MTCH2: variants seen among roughly 807,000 people sequenced by gnomAD.
The protein encoded by MTCH2 is mitochondrial carrier 2.
MTCH2 carries 25 observed loss-of-function variants against 50.6 expected under a neutral mutation model. The ratio of observed to expected loss-of-function variants is 0.49; its 90% CI spans 0.36 to 0.69. MTCH2 has a LOEUF of 0.69. Among genes scored for constraint, MTCH2 ranks in the 30% least tolerant of loss-of-function variants. MTCH2 has a pLI of 0.00. For missense variants in MTCH2, 273 were observed against 384.4 expected (o/e 0.71, Z 2.42); for synonymous variants, 106 against 132.0 (o/e 0.80, Z 1.35).
At chr11:47,613,828 C>T (rs1598825944), downstream of MTCH2, among the ~76,000 whole-genome samples, 2 of 152,236 alleles carry the variant, frequency 1.3e-5, no homozygotes, top group Middle Eastern at 3.4e-3. Context: ...TGGCTCATGC[C>T]TGTAATCACA....
intron 10 of MTCH2, among the ~76,000 whole-genome samples, chr11:47,626,018 T>G (rs528804343): frequency 1.3e-5 from 2 of 152,264 alleles, no homozygotes; most frequent in East Asian, 3.9e-4. Context: ...CAACTACTTT[T>G]TTTTTTTTTG....
At chr11:47,627,022 G>A in intron 10 of MTCH2, 58 bp downstream of exon 10, 1 of 1,356,384 alleles carries the variant, frequency 7.4e-7, no homozygotes, top group South Asian at 1.3e-5. Context: ...GATTTAAAAG[G>A]AAAACAAAAC....
rs2097304684 is a variant in MTCH2 at position 47,633,056 on chromosome 11, G to A, written c.370-1345C>T. 2.0e-5 allele frequency among the ~76,000 whole-genome samples: 3 copies of A among 151,582 alleles called. No individual in the cohort carries two copies. In the South Asian group the frequency reaches 6.2e-4, roughly 31 times the overall value. On this transcript the variant is annotated intron_variant, in intron 5 of 12. Coordinates refer to ENST00000302503, the MANE Select transcript of MTCH2 (RefSeq NM_014342.4). ...CTTCTCCAAGGGCATAAGATCCTAT[G>A]GGACTGGATGGGCAAACTAAGGAAA...
intron 10 of MTCH2, 90 bp downstream of exon 10, chr11:47,626,990 A>T: frequency 1.0e-6 from 1 of 956,152 alleles, no homozygotes; most frequent in Non-Finnish European, 1.6e-6. Context: ...TGGTTATCTT[A>T]AAGCAGTGAT....
chr11:47,613,585 A>G (rs140784039), downstream of MTCH2, among the ~76,000 whole-genome samples: 125 of 152,356 alleles, frequency 8.2e-4, no homozygotes, highest in Non-Finnish European at 1.5e-3. Flanking sequence ...CTTGCCATAC[A>G]GTAACTTAGC....
At chr11:47,623,831 CA>C (rs2097295475) in intron 11 of MTCH2, among the ~76,000 whole-genome samples, 2 of 152,238 alleles carry the variant, frequency 1.3e-5, no homozygotes, top group South Asian at 4.1e-4. Context: ...GAGGGTGGAC[CA>C]CTTGAGGTCA....
chr11:47,625,828 C>A, intron 10 of MTCH2, 87 bp from the exon 11 acceptor site: 1 of 986,748 alleles, frequency 1.0e-6, no homozygotes, highest in Non-Finnish European at 1.6e-6. Context: ...AGTGCCACTG[C>A]GGTGAGACAC....
Position 47,618,480 on chromosome 11 carries a change from A to AT in MTCH2, c.*352dup, listed in dbSNP as rs2097290078. 2 of 254,748 alleles carry AT rather than the reference A, an allele frequency of 7.9e-6. No homozygotes were observed. Among genetic ancestry groups the AT allele is most frequent in the Non-Finnish European group, 7.5e-6 (1 of 132,950 alleles). The allele number at this position is 254,748 out of a possible 1,614,324, so 15.8% of individuals were successfully genotyped here. ...GTTAAGTTTTACAAAATTATTTCTC[A>AT]TTTTTCTTGGAATTCTACTCTTCAT... On this transcript the variant is annotated 3_prime_UTR_variant, in exon 13 of 13. Coordinates refer to ENST00000302503, the MANE Select transcript of MTCH2 (RefSeq NM_014342.4).
chr11:47,642,260 G>A, intron 1 of MTCH2, 119 bp downstream of exon 1: 2 of 848,268 alleles, frequency 2.4e-6, no homozygotes, highest in Non-Finnish European at 3.6e-6. Context: ...GGGCAGCGGA[G>A]GAGCAGCAGC....
chr11:47,635,835 A>G (rs962912298), intron 3 of MTCH2, among the ~76,000 whole-genome samples: 1 of 152,110 alleles, frequency 6.6e-6, no homozygotes, highest in Non-Finnish European at 1.5e-5. Context: ...CTTCTTTGAA[A>G]AAAGAAAAGG....
rs750075018 is a variant in MTCH2 at position 47,627,048 on chromosome 11, C to G, written c.681+32G>C. The stretch of plus-strand genomic sequence containing the variant: ...AAAACAAAACAAAACACAACTATTC[C>G]TAGAAGGTTAAAAGGATTTTAAAAA... On this transcript the variant is annotated intron_variant, in intron 10 of 12. Transcript: ENST00000302503. 33 of 1,518,508 alleles carry G rather than the reference C, an allele frequency of 2.2e-5. 1 individual carries two copies. In the South Asian group the frequency reaches 3.9e-4, roughly 18 times the overall value. The allele number at this position is 1,518,508 out of a possible 1,614,324, so 94.1% of individuals were successfully genotyped here.
chr11:47,605,623 AG>A, the MTCH2 span, among the ~76,000 whole-genome samples: 12 of 152,230 alleles, frequency 7.9e-5, no homozygotes, highest in Admixed American at 7.9e-4. Flanking sequence ...CTAGGAGCAC[AG>A]AACTAGAGAT....
At chr11:47,635,265 G>A (rs575533591) in intron 4 of MTCH2, among the ~76,000 whole-genome samples, 2 of 152,150 alleles carry the variant, frequency 1.3e-5, no homozygotes, top group South Asian at 2.1e-4. Context: ...TTTCTGTAGA[G>A]AAGGGGTCTA....
At chr11:47,615,640 T>TC (rs2097287955), downstream of MTCH2, among the ~76,000 whole-genome samples, 1 of 152,080 alleles carries the variant, frequency 6.6e-6, no homozygotes, top group Non-Finnish European at 1.5e-5. Context: ...GGTTGCTTTT[T>TC]TTTTTTTTTG....
Position 47,627,062 on chromosome 11 carries a change from G to T in MTCH2, c.681+18C>A. On this transcript the variant is annotated intron_variant, in intron 10 of 12. Transcript: ENST00000302503. ...CACAACTATTCCTAGAAGGTTAAAA[G>T]GATTTTAAAAAACTCACTCCTGTGA... The T allele has an allele frequency of 6.4e-7, 1 of 1,563,948 alleles. No individual in the cohort carries two copies. Among genetic ancestry groups the T allele is most frequent in the South Asian group, 1.2e-5 (1 of 86,928 alleles).
chr11:47,614,109 A>G (rs2097287009), downstream of MTCH2, among the ~76,000 whole-genome samples: 1 of 152,024 alleles, frequency 6.6e-6, no homozygotes, highest in African/African-American at 2.4e-5. Flanking sequence ...ACAAAAACAC[A>G]ATGTGGTTTA....
chr11:47,631,608 G>A (rs775279851), intron 6 of MTCH2, 46 bp downstream of exon 6: 4 of 1,590,726 alleles, frequency 2.5e-6, no homozygotes, highest in South Asian at 1.1e-5. Flanking sequence ...GTGGTCAGGA[G>A]AGATCAGGTT....
At chr11:47,630,983 A>T in intron 7 of MTCH2, 53 bp downstream of exon 7, 1 of 1,358,522 alleles carries the variant, frequency 7.4e-7, no homozygotes, top group Non-Finnish European at 1.1e-6. Flanking sequence ...GTATTATTCT[A>T]GTACTTTGGC....
chr11:47,642,506 C>A lies in MTCH2; in HGVS notation c.-41G>T. The A allele has an allele frequency of 6.6e-7, 1 of 1,520,404 alleles. No homozygotes were observed. The allele number at this position is 1,520,404 out of a possible 1,614,324, so 94.2% of individuals were successfully genotyped here. A position where few individuals can be genotyped will look rare whatever the true frequency, so the allele number is the denominator to read the frequency against. On this transcript the variant is annotated 5_prime_UTR_variant, in exon 1 of 13. Coordinates refer to ENST00000302503, the MANE Select transcript of MTCH2 (RefSeq NM_014342.4). Reference sequence around the variant, plus strand: ...CGGACGGACAGACAGACGGAGCCACCAAGCGACCCGGTGAGCCGGTCCTAG... The same window carrying A: ...CGGACGGACAGACAGACGGAGCCACAAAGCGACCCGGTGAGCCGGTCCTAG...
Sources: allele counts gnomAD v4.1 joint callset (sites outside exome capture counted in the v4.1 genomes callset), GRCh38; gene constraint gnomAD v4.1.1; transcripts MANE v1.5; gene names NCBI Gene and HGNC (gene_info 2026-07-23, HGNC 2026-07-21).